Variants in PYY observed in about 807,000 individuals in gnomAD.
PYY encodes peptide YY, also known as peptide tyrosine tyrosine.
PYY carries 12 observed loss-of-function variants against 10.3 expected under a neutral mutation model. That is an observed-to-expected ratio of 1.17 (90% CI 0.75 to 1.89). PYY has a LOEUF of 1.89. PYY is among the 40% of genes most tolerant of loss of function. PYY has a pLI of 0.00. For synonymous variants in PYY, 66 were observed against 62.0 expected (o/e 1.06, Z -0.30); for missense variants, 141 against 134.0 (o/e 1.05, Z -0.26).
intron 1 of PYY, among the ~76,000 whole-genome samples, chr17:43,979,071 A>C (rs917700477): frequency 6.6e-6 from 1 of 152,214 alleles, no homozygotes; most frequent in African/African-American, 2.4e-5. Flanking sequence ...GAAAAGCTGG[A>C]AGGATCTCTG....
chr17:43,969,228 TC>T (rs1379218161), intron 1 of PYY, among the ~76,000 whole-genome samples: 1 of 151,262 alleles, frequency 6.6e-6, no homozygotes, highest in Admixed American at 6.6e-5. Flanking sequence ...CAAAAATCAA[TC>T]ACTTGGCCAG....
chr17:43,974,222 C>T (rs2048814486), intron 1 of PYY, among the ~76,000 whole-genome samples: 1 of 151,918 alleles, frequency 6.6e-6, no homozygotes, highest in Non-Finnish European at 1.5e-5. Flanking sequence ...TCTTCCCTCG[C>T]GCATTTCCCG....
chr17:43,972,507 C>T (rs2048801664), intron 1 of PYY, among the ~76,000 whole-genome samples: 1 of 150,572 alleles, frequency 6.6e-6, no homozygotes. Flanking sequence ...TGAGCCGCCA[C>T]ACCCGGCCAA....
intron 1 of PYY, among the ~76,000 whole-genome samples, chr17:44,001,372 G>A (rs1355448744): frequency 6.6e-6 from 1 of 152,136 alleles, no homozygotes; most frequent in East Asian, 1.9e-4. Flanking sequence ...AACAGGCTCT[G>A]CTCTAACAAA....
At chr17:43,957,196 CAAA>C (rs60997602), upstream of PYY, among the ~76,000 whole-genome samples, 11 of 66,624 alleles carry the variant, frequency 1.7e-4, no homozygotes, top group East Asian at 4.6e-4. Flanking sequence ...AAACTGTCTC[CAAA>C]AAAAAAAAAA....
At chr17:43,984,462 G>A (rs2048903470) in intron 1 of PYY, among the ~76,000 whole-genome samples, 1 of 152,232 alleles carries the variant, frequency 6.6e-6, no homozygotes, top group Non-Finnish European at 1.5e-5. Context: ...TGCCTGAGAA[G>A]CATGACTGCC....
upstream of PYY, among the ~76,000 whole-genome samples, chr17:43,958,421 C>T (rs1017746009): frequency 4.0e-5 from 6 of 150,626 alleles, no homozygotes; most frequent in African/African-American, 1.5e-4. Flanking sequence ...CTTACTGTGT[C>T]ACCCAGGCTG....
chr17:43,966,256 T>A (rs943039017), intron 2 of PYY: 6 of 153,238 alleles, frequency 3.9e-5, no homozygotes, highest in African/African-American at 1.4e-4. Flanking sequence ...AATATGAAAC[T>A]GACACAGAGA....
At chr17:43,963,590 G>GA (rs747666011) in intron 2 of PYY, among the ~76,000 whole-genome samples, 55 of 64,748 alleles carry the variant, frequency 8.5e-4, no homozygotes, top group African/African-American at 2.3e-3. Flanking sequence ...AAGAAAGAAA[G>GA]AAAGAAAGAA....
At chr17:43,992,569 T>G (rs898241888) in intron 1 of PYY, among the ~76,000 whole-genome samples, 8 of 151,896 alleles carry the variant, frequency 5.3e-5, no homozygotes, top group African/African-American at 1.9e-4. Flanking sequence ...TAGCCGGGTG[T>G]GGTGGTGCAT....
intron 1 of PYY, among the ~76,000 whole-genome samples, chr17:44,002,997 GT>G: frequency 6.6e-6 from 1 of 152,174 alleles, no homozygotes; most frequent in East Asian, 1.9e-4. Context: ...TAATAACATT[GT>G]TTTCCTCTCA....
intron 2 of PYY, among the ~76,000 whole-genome samples, chr17:43,960,456 A>C (rs927033076): frequency 7.3e-6 from 1 of 137,574 alleles, no homozygotes; most frequent in Non-Finnish European, 1.5e-5. Flanking sequence ...AGGCAGGAGA[A>C]TCACTTGAAC....
intron 1 of PYY, among the ~76,000 whole-genome samples, chr17:43,968,712 T>C (rs1261550865): frequency 6.6e-6 from 1 of 152,162 alleles, no homozygotes; most frequent in Non-Finnish European, 1.5e-5. Context: ...CTCGGGAGGC[T>C]GAGGCAGGAG....
intron 1 of PYY, among the ~76,000 whole-genome samples, chr17:43,996,509 G>A (rs752057444): frequency 6.6e-6 from 1 of 152,208 alleles, no homozygotes; most frequent in Non-Finnish European, 1.5e-5. Context: ...CTGTCACCCA[G>A]GCTGGAGTGC....
At chr17:43,980,892 G>A (rs771545726) in intron 1 of PYY, among the ~76,000 whole-genome samples, 1 of 152,114 alleles carries the variant, frequency 6.6e-6, no homozygotes, top group Non-Finnish European at 1.5e-5. Context: ...TCTGTGGTGT[G>A]AACATATCAT....
At position 44,003,532 on chromosome 17, in the gene PYY, G is replaced by A. The variant is rs563360280; in HGVS notation, c.-463+859C>T. On this transcript the variant is annotated intron_variant, in intron 1 of 6. Coordinates refer to the PYY transcript ENST00000360085. ...TAGCCGGGTGTGATGGTGTCTGCCT[G>A]TAATCCCTGCTACTCAGGAGGCTGA... 1.1e-4 allele frequency among the ~76,000 whole-genome samples: 17 copies of A among 152,014 alleles called. No individual in the cohort carries two copies. In the East Asian group the frequency reaches 3.3e-3, roughly 30 times the overall value.
chr17:43,975,731 TATATATATATATATACACACACACACAC>T (rs1439529144), intron 1 of PYY, among the ~76,000 whole-genome samples: 2 of 91,246 alleles, frequency 2.2e-5, no homozygotes, highest in Admixed American at 1.2e-4. Flanking sequence ...AAAAAATATA[TATATATATATATATACACACACACACAC>T]ATATATATAT....
At chr17:43,955,698 A>T (rs2048667036), upstream of PYY, among the ~76,000 whole-genome samples, 1 of 152,110 alleles carries the variant, frequency 6.6e-6, no homozygotes, top group African/African-American at 2.4e-5. Context: ...GTCATAGGGG[A>T]GCCCCAGTAT....
upstream of PYY, among the ~76,000 whole-genome samples, chr17:43,954,844 C>T (rs1004914553): frequency 1.2e-4 from 18 of 152,202 alleles, no homozygotes; most frequent in African/African-American, 4.3e-4. Flanking sequence ...GGAAAGGACT[C>T]GTGTTTATTA....
Sources: gnomAD v4.1 joint callset for allele counts (sites outside exome capture counted in the v4.1 genomes callset) on GRCh38, gnomAD v4.1.1 for gene constraint, MANE v1.5 for transcripts, NCBI Gene and HGNC (gene_info 2026-07-23, HGNC 2026-07-21) for gene names.